EXOC6B: variants seen among roughly 807,000 people sequenced by gnomAD.
The protein encoded by EXOC6B is exocyst complex component 6B, also known as SEC15 homolog B.
Under a neutral mutation model 113.5 loss-of-function variants are expected in EXOC6B, and 54 were observed. The ratio of observed to expected loss-of-function variants is 0.48; its 90% confidence interval spans 0.38 to 0.60. The LOEUF is 0.60. Among genes scored for constraint, EXOC6B ranks in the 20% least tolerant of loss-of-function variants. EXOC6B has a pLI of 0.00. For missense variants in EXOC6B, 797 were observed against 977.5 expected (o/e 0.82, Z 2.46); for synonymous variants, 357 against 339.0 (o/e 1.05, Z -0.58).
chr2:72,284,683 CTG>C (rs1021079500), intron 20 of EXOC6B, among the ~76,000 whole-genome samples: 1 of 151,816 alleles, frequency 6.6e-6, no homozygotes, highest in African/African-American at 2.4e-5. Context: ...AGAAAGAAAA[CTG>C]TCTTTTTTTC....
intron 19 of EXOC6B, among the ~76,000 whole-genome samples, chr2:72,371,207 A>G (rs1016631743): frequency 2.6e-5 from 4 of 151,982 alleles, no homozygotes; most frequent in African/African-American, 4.8e-5. Context: ...ACCATAATAA[A>G]AAGTCTCCCA....
intron 20 of EXOC6B, among the ~76,000 whole-genome samples, chr2:72,287,387 C>T (rs866664201): frequency 1.4e-5 from 2 of 147,968 alleles, no homozygotes; most frequent in South Asian, 2.1e-4. Flanking sequence ...GCAGTGATCA[C>T]GCCACTGCAC....
intron 19 of EXOC6B, among the ~76,000 whole-genome samples, chr2:72,371,443 T>C (rs1163775835): frequency 6.6e-6 from 1 of 152,134 alleles, no homozygotes; most frequent in Admixed American, 6.6e-5. Flanking sequence ...CTCAACAAAA[T>C]ACTAGCAAAC....
chr2:72,533,396 T>G (rs1336102254), intron 8 of EXOC6B, among the ~76,000 whole-genome samples: 1 of 152,226 alleles, frequency 6.6e-6, no homozygotes, highest in African/African-American at 2.4e-5. Context: ...TTTAGAGAAC[T>G]GTCTCAGCAA....
chr2:72,753,770 G>A (rs1259743394), intron 1 of EXOC6B, among the ~76,000 whole-genome samples: 1 of 152,052 alleles, frequency 6.6e-6, no homozygotes, highest in Non-Finnish European at 1.5e-5. Context: ...GAAGTTCCTT[G>A]AGTGTAGCAT....
chr2:72,615,233 C>G (rs1278503674), intron 6 of EXOC6B, among the ~76,000 whole-genome samples: 1 of 151,998 alleles, frequency 6.6e-6, no homozygotes, highest in Non-Finnish European at 1.5e-5. Flanking sequence ...AGTAAACACA[C>G]TGATATAATA....
chr2:72,673,766 A>AT (rs1214142120), intron 6 of EXOC6B, among the ~76,000 whole-genome samples: 5 of 149,032 alleles, frequency 3.4e-5, no homozygotes, highest in African/African-American at 9.8e-5. Flanking sequence ...ATTATTTTTT[A>AT]TTTTATTTTT....
intron 6 of EXOC6B, among the ~76,000 whole-genome samples, chr2:72,639,535 C>T (rs930816646): frequency 6.6e-6 from 1 of 152,210 alleles, no homozygotes; most frequent in Non-Finnish European, 1.5e-5. Flanking sequence ...ACTGCTGCTG[C>T]TGCCATCCAT....
intron 6 of EXOC6B, among the ~76,000 whole-genome samples, chr2:72,578,220 C>A (rs1704994774): frequency 6.6e-6 from 1 of 152,070 alleles, no homozygotes; most frequent in African/African-American, 2.4e-5. Context: ...TACAGCCAGG[C>A]TCTTCTTAAA....
chr2:72,609,767 C>T (rs1444417409), intron 6 of EXOC6B, among the ~76,000 whole-genome samples: 3 of 151,984 alleles, frequency 2.0e-5, no homozygotes, highest in East Asian at 3.9e-4. Context: ...GATCAATAAA[C>T]AACAAGAAAT....
At chr2:72,411,622 G>A (rs545223458) in intron 18 of EXOC6B, among the ~76,000 whole-genome samples, 87 of 152,306 alleles carry the variant, frequency 5.7e-4, no homozygotes, top group African/African-American at 1.9e-3. Flanking sequence ...GTGTGGGTTT[G>A]CTGCCAGCAT....
At chr2:72,649,236 T>C (rs1180153700) in intron 6 of EXOC6B, among the ~76,000 whole-genome samples, 1 of 152,128 alleles carries the variant, frequency 6.6e-6, no homozygotes, top group East Asian at 1.9e-4. Flanking sequence ...GTGGGGATGG[T>C]TAATGGGCAC....
At chr2:72,289,147 T>G (rs1166174717) in intron 20 of EXOC6B, 1 of 233,358 alleles carries the variant, frequency 4.3e-6, no homozygotes, top group Non-Finnish European at 8.6e-6. Context: ...ATAAAATGGC[T>G]CATGGGCCAA....
At chr2:72,455,509 T>C (rs1440581390) in intron 18 of EXOC6B, among the ~76,000 whole-genome samples, 1 of 152,164 alleles carries the variant, frequency 6.6e-6, no homozygotes, top group Non-Finnish European at 1.5e-5. Context: ...GCTTCTCATA[T>C]AGAGTTTAGA....
At chr2:72,568,975 A>G (rs1376591209) in intron 7 of EXOC6B, among the ~76,000 whole-genome samples, 14 of 152,016 alleles carry the variant, frequency 9.2e-5, no homozygotes, top group African/African-American at 3.4e-4. Context: ...AAAAAAAAAG[A>G]AAAAAACCTT....
chr2:72,385,691 T>C (rs1691975240), intron 18 of EXOC6B, among the ~76,000 whole-genome samples: 1 of 152,128 alleles, frequency 6.6e-6, no homozygotes, highest in Non-Finnish European at 1.5e-5. Context: ...GATTAAAAAA[T>C]GGGCAAAGGA....
At chr2:72,732,052 C>T (rs1285981842) in intron 3 of EXOC6B, among the ~76,000 whole-genome samples, 2 of 152,086 alleles carry the variant, frequency 1.3e-5, no homozygotes, top group Non-Finnish European at 2.9e-5. Context: ...CTGATTTTGT[C>T]GGCCATGAGG....
intron 20 of EXOC6B, among the ~76,000 whole-genome samples, chr2:72,245,874 C>G (rs571630128): frequency 1.3e-5 from 2 of 152,208 alleles, no homozygotes; most frequent in Admixed American, 1.3e-4. Context: ...CAAAAAATCT[C>G]CAGATTGGTC....
At chr2:72,424,477 A>G (rs911478601) in intron 18 of EXOC6B, among the ~76,000 whole-genome samples, 8 of 151,910 alleles carry the variant, frequency 5.3e-5, no homozygotes, top group Non-Finnish European at 1.0e-4. Context: ...GGCTTTCTTC[A>G]TTTCCCCAAC....
Sources: allele counts gnomAD v4.1 joint callset (sites outside exome capture counted in the v4.1 genomes callset), GRCh38; gene constraint gnomAD v4.1.1; transcripts MANE v1.5; gene names NCBI Gene and HGNC (gene_info 2026-07-23, HGNC 2026-07-21).